Variants in INPP4B observed in about 807,000 individuals in gnomAD.
INPP4B encodes inositol polyphosphate 4-phosphatase type II.
Under a neutral mutation model 122.5 loss-of-function variants are expected in INPP4B, and 55 were observed. That is an observed-to-expected ratio of 0.45 (90% CI 0.36 to 0.56). The LOEUF (loss-of-function observed/expected upper bound fraction) is 0.56, where lower values mean the gene tolerates loss of function less well. Among genes scored for constraint, INPP4B ranks in the 20% least tolerant of loss-of-function variants. The probability of loss-of-function intolerance (pLI) is 0.00; values close to 1 mark genes in which losing one functional copy is unlikely to be tolerated. For missense variants in INPP4B, 1,000 were observed against 1,097.7 expected (o/e 0.91, Z 1.26); for synonymous variants, 403 against 388.7 (o/e 1.04, Z -0.43).
chr4:142,655,239 A>G (rs1191321731), intron 2 of INPP4B, among the ~76,000 whole-genome samples: 1 of 152,194 alleles, frequency 6.6e-6, no homozygotes, highest in Non-Finnish European at 1.5e-5. Context: ...AAATCATCTC[A>G]CCTGGTGGTC....
intron 7 of INPP4B, among the ~76,000 whole-genome samples, chr4:142,321,911 T>C (rs538209144): frequency 6.6e-6 from 1 of 152,294 alleles, no homozygotes; most frequent in Admixed American, 6.5e-5. Context: ...TGGATTTATT[T>C]AGTATATGGT....
intron 7 of INPP4B, among the ~76,000 whole-genome samples, chr4:142,327,620 T>C (rs1772918271): frequency 1.3e-5 from 2 of 152,120 alleles, no homozygotes; most frequent in South Asian, 4.1e-4. Context: ...AATCAATGGT[T>C]CTCAACATGG....
chr4:142,256,885 G>T (rs13129247), intron 11 of INPP4B, among the ~76,000 whole-genome samples: 13,161 of 151,986 alleles, frequency 0.087, 763 homozygotes, highest in South Asian at 0.2. Flanking sequence ...TACCAAAGCT[G>T]GGCAGAGACA....
intron 3 of INPP4B, among the ~76,000 whole-genome samples, chr4:142,442,429 A>AAAAG (rs1554055575): frequency 1.3e-5 from 2 of 150,924 alleles, no homozygotes; most frequent in South Asian, 4.2e-4. Context: ...AAAAAAAAAA[A>AAAAG]AGAGAGAGAA....
At chr4:142,626,351 G>T (rs941175624) in intron 2 of INPP4B, among the ~76,000 whole-genome samples, 1 of 151,944 alleles carries the variant, frequency 6.6e-6, no homozygotes, top group African/African-American at 2.4e-5. Flanking sequence ...AAGGGACAGG[G>T]ATCTTCTTTA....
At chr4:142,300,977 G>A (rs1761163175) in intron 9 of INPP4B, among the ~76,000 whole-genome samples, 1 of 152,082 alleles carries the variant, frequency 6.6e-6, no homozygotes, top group Admixed American at 6.6e-5. Flanking sequence ...GTGACATGTA[G>A]GTTATAAAAG....
chr4:142,326,495 C>T (rs984244400), intron 7 of INPP4B, among the ~76,000 whole-genome samples: 4 of 152,204 alleles, frequency 2.6e-5, no homozygotes, highest in Admixed American at 1.3e-4. Flanking sequence ...ATGAAACACA[C>T]GTAGAGCTCA....
chr4:142,516,196 A>G (rs1232958881), intron 2 of INPP4B, among the ~76,000 whole-genome samples: 4 of 152,152 alleles, frequency 2.6e-5, no homozygotes, highest in Non-Finnish European at 5.9e-5. Context: ...GAGGATCTCA[A>G]TTCTATTACT....
Position 142,130,491 on chromosome 4 carries a change from G to A in INPP4B, c.1721-5731C>T, listed in dbSNP as rs72933280. Among the ~76,000 whole-genome samples the A allele has an allele frequency of 5.7e-3, 870 of 152,250 alleles. 9 individuals carry two copies. Among genetic ancestry groups the A allele is most frequent in the African/African-American group, 0.02 (828 of 41,540 alleles). ...GTCGATAGGGGTGGGGATAAAGGAC[G>A]GCGCAGAGGATATGTGAACAGGGCA... On this transcript the variant is annotated intron_variant, in intron 18 of 25. Transcript: ENST00000262992.
chr4:142,099,640 C>A (rs979555826), intron 23 of INPP4B, among the ~76,000 whole-genome samples: 4 of 152,032 alleles, frequency 2.6e-5, no homozygotes, highest in African/African-American at 7.2e-5. Flanking sequence ...CCATATAAAG[C>A]CCTGTAATAT....
Position 142,376,101 on chromosome 4 carries a change from C to T in INPP4B, c.372+26837G>A, listed in dbSNP as rs1175370870. Among the ~76,000 whole-genome samples, 3 of 151,982 alleles carry T rather than the reference C, an allele frequency of 2.0e-5. No homozygotes were observed. In the East Asian group the frequency reaches 5.8e-4, roughly 29 times the overall value. ...TGCATATGTCATTTCTTTATAGTTT[C>T]TTAATACATGGTAGCATTTTATATG... On this transcript the variant is annotated intron_variant, in intron 7 of 25. Coordinates refer to ENST00000262992, the MANE Select transcript of INPP4B (RefSeq NM_001101669.3).
intron 5 of INPP4B, chr4:142,423,847 TTA>T (rs1392433919): frequency 2.3e-6 from 1 of 438,354 alleles, no homozygotes; most frequent in Non-Finnish European, 4.5e-6. Context: ...TATGTATTTT[TTA>T]TGTACTTACC....
chr4:142,033,583 A>T (rs1475244668), intron 25 of INPP4B, among the ~76,000 whole-genome samples: 2 of 151,514 alleles, frequency 1.3e-5, no homozygotes, highest in Non-Finnish European at 2.9e-5. Flanking sequence ...ACTTTCATAC[A>T]TGGTTTTCCC....
chr4:142,314,816 C>T (rs753305053), intron 7 of INPP4B, 54 bp from the exon 8 acceptor site: 2 of 1,425,352 alleles, frequency 1.4e-6, no homozygotes, highest in Non-Finnish European at 1.9e-6. Flanking sequence ...AGTGCAGAAG[C>T]CTCGCACAGG....
At chr4:142,227,433 G>C (rs1222964223) in intron 12 of INPP4B, among the ~76,000 whole-genome samples, 2 of 151,922 alleles carry the variant, frequency 1.3e-5, no homozygotes, top group South Asian at 2.1e-4. Context: ...ACTTCTGACA[G>C]TATAAATAAC....
At chr4:142,633,996 A>C (rs1748548607) in intron 2 of INPP4B, among the ~76,000 whole-genome samples, 1 of 151,808 alleles carries the variant, frequency 6.6e-6, no homozygotes, top group South Asian at 2.1e-4. Flanking sequence ...GCTGCACTCC[A>C]GCCTGACCAA....
At chr4:142,699,566 G>A (rs1761456078) in intron 2 of INPP4B, among the ~76,000 whole-genome samples, 1 of 152,080 alleles carries the variant, frequency 6.6e-6, no homozygotes. Context: ...TTATATCCAT[G>A]ATCTTTATCT....
intron 2 of INPP4B, among the ~76,000 whole-genome samples, chr4:142,603,946 C>A (rs1332944062): frequency 6.6e-6 from 1 of 151,478 alleles, no homozygotes; most frequent in Non-Finnish European, 1.5e-5. Context: ...CAGGCCAATA[C>A]CCCTGCTGAA....
chr4:142,659,333 G>A (rs925198428), intron 2 of INPP4B, among the ~76,000 whole-genome samples: 2 of 151,870 alleles, frequency 1.3e-5, no homozygotes, highest in Non-Finnish European at 2.9e-5. Flanking sequence ...GTGAACCCGG[G>A]AGGTGGAGCT....
Sources: gnomAD v4.1 joint callset for allele counts (sites outside exome capture counted in the v4.1 genomes callset) on GRCh38, gnomAD v4.1.1 for gene constraint, MANE v1.5 for transcripts, NCBI Gene and HGNC (gene_info 2026-07-23, HGNC 2026-07-21) for gene names.